The following DNAJC15 variants were observed in gnomAD, a reference collection of about 807,000 sequenced individuals.
DNAJC15 encodes DnaJ heat shock protein family (Hsp40) member C15, also known as dnaJ homolog subfamily C member 15.
Under a neutral mutation model 22.4 loss-of-function variants are expected in DNAJC15, and 27 were observed. The observed-to-expected ratio is 1.20, with a 90% confidence interval of 0.89 to 1.66. DNAJC15 has a LOEUF of 1.66. Among genes scored for constraint, DNAJC15 ranks in the 40% most tolerant of loss-of-function variants. DNAJC15 has a pLI of 0.00. For missense variants in DNAJC15, 208 were observed against 187.1 expected, an observed-to-expected ratio of 1.11 and a Z score of -0.65; for synonymous variants, 79 against 63.2, an observed-to-expected ratio of 1.25 and a Z score of -1.19.
chr13:43,101,345 T>G (rs2040767969), intron 5 of DNAJC15, among the ~76,000 whole-genome samples: 1 of 152,248 alleles, frequency 6.6e-6, no homozygotes, highest in Admixed American at 6.5e-5. Context: ...TGTTGTAATT[T>G]AATCCGGTGC....
intron 1 of DNAJC15, among the ~76,000 whole-genome samples, chr13:43,049,838 A>C (rs118175397): frequency 6.6e-6 from 1 of 152,348 alleles, no homozygotes; most frequent in Non-Finnish European, 1.5e-5. Context: ...CAAATAAAAA[A>C]ATGTTAGGTA....
chr13:43,046,672 G>A (rs1435160452), intron 1 of DNAJC15, among the ~76,000 whole-genome samples: 1 of 152,046 alleles, frequency 6.6e-6, no homozygotes, highest in Non-Finnish European at 1.5e-5. Context: ...ACCCCCTTTG[G>A]GTCCTCTCAC....
intron 1 of DNAJC15, among the ~76,000 whole-genome samples, chr13:43,025,649 A>T (rs549400288): frequency 6.6e-6 from 1 of 152,366 alleles, no homozygotes; most frequent in South Asian, 2.1e-4. Context: ...TCGCTCCTAT[A>T]ATCCCAGCAA....
chr13:43,051,296 A>G (rs56113740), intron 1 of DNAJC15, among the ~76,000 whole-genome samples: 2,214 of 152,162 alleles, frequency 0.015, 57 homozygotes, highest in African/African-American at 0.048. Flanking sequence ...TTTTATTTCA[A>G]TAAGTTTTGG....
In DNAJC15 at chr13:43,107,602, GAGT is replaced by G; in HGVS notation, c.*357_*359del. On this transcript the variant is annotated 3_prime_UTR_variant, in exon 6 of 6. Transcript: ENST00000379221. ...AATGCAATTGGGATTTGTGAGCAATGAGTAGACCTCTTATTGTTTATATTTGTA... is the reference window on the plus strand; with the variant it reads ...AATGCAATTGGGATTTGTGAGCAATGAGACCTCTTATTGTTTATATTTGTA... The G allele has an allele frequency of 6.2e-6, 1 of 161,554 alleles. No homozygotes were observed. The highest frequency in any genetic ancestry group is 1.3e-5 in the Non-Finnish European group (1 of 74,614). The allele number at this position is 161,554 out of a possible 1,614,324, so 10.0% of individuals were successfully genotyped here.
At chr13:43,094,812 C>T (rs74063423) in intron 5 of DNAJC15, among the ~76,000 whole-genome samples, 2,546 of 152,250 alleles carry the variant, frequency 0.017, 83 homozygotes, top group East Asian at 0.1. Flanking sequence ...CAGCAGCAGC[C>T]TTCTTGTGTC....
At position 43,023,742 on chromosome 13, in the gene DNAJC15, C is replaced by T. The variant is rs765238593; in HGVS notation, c.108+8C>T. The T allele has an allele frequency of 3.1e-6, 5 of 1,599,682 alleles. No individual in the cohort carries two copies. The highest frequency in any genetic ancestry group is 4.3e-6 in the Non-Finnish European group (5 of 1,173,648). On this transcript the variant is annotated splice_region_variant and intron_variant, in intron 1 of 5. Transcript: ENST00000379221. ...GTCGACCAGCAGAGACTGGTGAGTC[C>T]TGCCAGCGGCCCCCACCCCTCTCTG... is the stretch of plus-strand genomic sequence containing the variant.
In DNAJC15 at chr13:43,065,403, G is replaced by T. The variant is rs189296205; in HGVS notation, c.109-283G>T. 4.6e-5 allele frequency among the ~76,000 whole-genome samples: 7 copies of T among 152,162 alleles called. No homozygotes were observed. In the East Asian group the frequency reaches 1.4e-3, roughly 29 times the overall value. ...AACCCCCTATTAAAAATCGTCTATA[G>T]AAAAAATTATAGCAATAGGTAGTAT... On this transcript the variant is annotated intron_variant, in intron 1 of 5. Transcript: ENST00000379221.
intron 3 of DNAJC15, 141 bp from the exon 4 acceptor site, chr13:43,078,467 ATTGT>A: frequency 1.9e-6 from 1 of 517,944 alleles, no homozygotes; most frequent in Non-Finnish European, 3.4e-6. Flanking sequence ...GAAAAGTTTC[ATTGT>A]TTGGTGCTTC....
chr13:43,096,025 CTTTT>C (rs374069728), intron 5 of DNAJC15, among the ~76,000 whole-genome samples: 1 of 147,416 alleles, frequency 6.8e-6, no homozygotes, highest in Non-Finnish European at 1.5e-5. Flanking sequence ...TTGCTTTTTA[CTTTT>C]TTTTTTAATT....
At chr13:43,050,669 A>G (rs905086624) in intron 1 of DNAJC15, among the ~76,000 whole-genome samples, 2 of 152,202 alleles carry the variant, frequency 1.3e-5, no homozygotes, top group African/African-American at 2.4e-5. Flanking sequence ...TTTACTGTCA[A>G]TTGTTCATGC....
At chr13:43,059,226 T>G (rs956899956) in intron 1 of DNAJC15, among the ~76,000 whole-genome samples, 17 of 152,188 alleles carry the variant, frequency 1.1e-4, no homozygotes, top group Non-Finnish European at 7.3e-5. Flanking sequence ...AGAAGTAGTC[T>G]ATTAATTTTA....
intron 1 of DNAJC15, among the ~76,000 whole-genome samples, chr13:43,045,712 T>A (rs2040474262): frequency 6.6e-6 from 1 of 152,212 alleles, no homozygotes; most frequent in Non-Finnish European, 1.5e-5. Context: ...TGATTTCACT[T>A]CCTTGTTTTT....
At chr13:43,043,310 G>T (rs1034706005) in intron 1 of DNAJC15, among the ~76,000 whole-genome samples, 7 of 152,068 alleles carry the variant, frequency 4.6e-5, no homozygotes, top group Non-Finnish European at 7.4e-5. Context: ...GTTTCACCAT[G>T]TTGGCCAGAC....
chr13:43,074,699 G>T (rs1432456700), intron 3 of DNAJC15, among the ~76,000 whole-genome samples: 3 of 152,070 alleles, frequency 2.0e-5, no homozygotes, highest in Non-Finnish European at 4.4e-5. Flanking sequence ...CATAATAATG[G>T]ATTAAAATAC....
intron 1 of DNAJC15, among the ~76,000 whole-genome samples, chr13:43,049,690 T>C (rs778384885): frequency 6.6e-6 from 1 of 152,248 alleles, no homozygotes; most frequent in African/African-American, 2.4e-5. Context: ...CTTTCTCTTA[T>C]ACTTCTGTTT....
chr13:43,028,061 T>G (rs2040388572), intron 1 of DNAJC15, among the ~76,000 whole-genome samples: 3 of 152,232 alleles, frequency 2.0e-5, no homozygotes, highest in Admixed American at 2.0e-4. Context: ...TTCTAGCATT[T>G]ATAATGGTGC....
intron 5 of DNAJC15, among the ~76,000 whole-genome samples, chr13:43,100,205 C>CT (rs368386623): frequency 0.23 from 25,818 of 110,436 alleles, 3,753 homozygotes; most frequent in South Asian, 0.35. Context: ...TTATTGAAGT[C>CT]TTTTTTTTTT....
chr13:43,036,306 C>T (rs58430685), intron 1 of DNAJC15, among the ~76,000 whole-genome samples: 2,688 of 151,904 alleles, frequency 0.018, 96 homozygotes, highest in East Asian at 0.12. Flanking sequence ...GCTGGGACTA[C>T]GGGTCGCACC....
Sources: gnomAD v4.1 joint callset for allele counts (sites outside exome capture counted in the v4.1 genomes callset) on GRCh38, gnomAD v4.1.1 for gene constraint, MANE v1.5 for transcripts, NCBI Gene and HGNC (gene_info 2026-07-23, HGNC 2026-07-21) for gene names.